Variants in EVL observed in about 807,000 individuals in gnomAD.
The protein encoded by EVL is ena/VASP-like protein.
EVL carries 21 observed loss-of-function variants against 59.6 expected under a neutral mutation model. The observed-to-expected ratio is 0.35, with a 90% CI of 0.25 to 0.51. EVL has a LOEUF of 0.51. EVL is among the 20% of genes least tolerant of loss of function. The pLI is 0.97. For missense variants in EVL, 462 were observed against 546.6 expected (o/e 0.85, Z 1.54); for synonymous variants, 198 against 203.5 (o/e 0.97, Z 0.23).
chr14:100,027,543 G>A (rs2061234744), intron 1 of EVL, among the ~76,000 whole-genome samples: 1 of 151,906 alleles, frequency 6.6e-6, no homozygotes, highest in Admixed American at 6.6e-5. Context: ...TTAACGTAAT[G>A]TCCTCCAGTT....
At chr14:100,036,839 T>G (rs2061396615) in intron 1 of EVL, among the ~76,000 whole-genome samples, 1 of 152,186 alleles carries the variant, frequency 6.6e-6, no homozygotes, top group African/African-American at 2.4e-5. Context: ...TTGAAGCCCC[T>G]GACCTCAGTG....
chr14:100,138,160 G>C (rs1888931741), intron 11 of EVL: 1 of 365,628 alleles, frequency 2.7e-6, no homozygotes, highest in East Asian at 6.1e-5. Context: ...GTTAACCCCT[G>C]CTGCACAGGG....
intron 13 of EVL, 125 bp downstream of exon 13, chr14:100,141,918 A>T: frequency 5.9e-6 from 4 of 680,012 alleles, no homozygotes; most frequent in Non-Finnish European, 9.1e-6. Flanking sequence ...CCTGTGAGAG[A>T]TTTCATTCTT....
chr14:99,984,278 A>C (rs1250433459), intron 1 of EVL, among the ~76,000 whole-genome samples: 2 of 152,044 alleles, frequency 1.3e-5, no homozygotes, highest in Non-Finnish European at 2.9e-5. Flanking sequence ...TGATGTGTGG[A>C]TGGGTATTTT....
Position 99,977,723 on chromosome 14 carries a change from C to T in EVL, c.5+5666C>T, listed in dbSNP as rs141966380. The stretch of plus-strand genomic sequence containing the variant: ...TGCTGGGATTATAGGCATGAGCCAC[C>T]GTGCCTGGCCAGAACATTTAATTTT... On this transcript the variant is annotated intron_variant, in intron 1 of 13. Coordinates refer to the EVL transcript ENST00000402714. Among the ~76,000 whole-genome samples the T allele has an allele frequency of 6.6e-5, 10 of 152,162 alleles. No homozygotes were observed. The East Asian group carries it at 1.2e-3, about 18-fold the overall frequency.
chr14:100,094,589 A>G (rs937375601), intron 2 of EVL, among the ~76,000 whole-genome samples: 1 of 151,934 alleles, frequency 6.6e-6, no homozygotes, highest in Non-Finnish European at 1.5e-5. Flanking sequence ...TTAAAAAAAA[A>G]AAAATTGGAT....
chr14:100,087,985 T>C (rs1322550251), intron 2 of EVL, among the ~76,000 whole-genome samples: 1 of 152,184 alleles, frequency 6.6e-6, no homozygotes, highest in African/African-American at 2.4e-5. Context: ...GATTTTCAAG[T>C]CTCTGAAGGG....
chr14:100,049,943 T>C (rs2061619789), intron 1 of EVL, among the ~76,000 whole-genome samples: 1 of 152,216 alleles, frequency 6.6e-6, no homozygotes, highest in South Asian at 2.1e-4. Context: ...TAGCCTAATG[T>C]TCCCAAGGTT....
intron 9 of EVL, among the ~76,000 whole-genome samples, chr14:100,136,824 G>C (rs1888823839): frequency 6.6e-6 from 1 of 152,210 alleles, no homozygotes; most frequent in South Asian, 2.1e-4. Context: ...AGCCCAGTGA[G>C]TGGGCTACGT....
chr14:100,119,778 T>A (rs1039945034), intron 3 of EVL, among the ~76,000 whole-genome samples: 7 of 152,178 alleles, frequency 4.6e-5, no homozygotes, highest in Non-Finnish European at 2.9e-5. Flanking sequence ...ATTTTACAGA[T>A]GAGGGCACAG....
At chr14:100,019,401 A>G (rs944239854) in intron 1 of EVL, 38 of 439,890 alleles carry the variant, frequency 8.6e-5, no homozygotes, top group Admixed American at 6.1e-4. Flanking sequence ...CCTGGAGCCT[A>G]AGCATACACT....
At chr14:100,143,254 T>C (rs1427248541) in intron 13 of EVL, among the ~76,000 whole-genome samples, 1 of 152,028 alleles carries the variant, frequency 6.6e-6, no homozygotes, top group Non-Finnish European at 1.5e-5. Context: ...GATTTCCTGC[T>C]GACCCCTGCA....
chr14:100,103,581 G>A (rs555163277), intron 3 of EVL, among the ~76,000 whole-genome samples: 5 of 152,134 alleles, frequency 3.3e-5, no homozygotes, highest in Non-Finnish European at 7.4e-5. Context: ...CTCCTACTGG[G>A]TTTCCCTTTC....
At position 100,098,376 on chromosome 14, in the gene EVL, C is replaced by T. The variant is rs1362085688; in HGVS notation, c.358+718C>T. Among the ~76,000 whole-genome samples the T allele has an allele frequency of 3.3e-5, 5 of 152,158 alleles. No individual in the cohort carries two copies. The East Asian group carries it at 7.8e-4, about 24-fold the overall frequency. ...AAAGGCAGAAGGGCCTGAGTGAGCC[C>T]GTAGTGCTGGGAAGAGGGCGATGCA... is the stretch of plus-strand genomic sequence containing the variant. On this transcript the variant is annotated intron_variant, in intron 3 of 13. Coordinates refer to ENST00000392920, the MANE Select transcript of EVL (RefSeq NM_016337.3).
At chr14:100,066,993 C>G (rs1335563025) in intron 1 of EVL, among the ~76,000 whole-genome samples, 2 of 152,208 alleles carry the variant, frequency 1.3e-5, no homozygotes, top group African/African-American at 2.4e-5. Flanking sequence ...TTACACTAAT[C>G]TAGCCCAGCT....
rs2182609 is a variant in EVL, at chr14:100,006,009, T to C, written c.5+33952T>C. ...TTTTTTTCCCCTTTTGCTGGCCATT[T>C]CCCCCCCCCCCCCCACACCGACAAC... On this transcript the variant is annotated intron_variant, in intron 1 of 13. Coordinates refer to the EVL transcript ENST00000402714. Among the ~76,000 whole-genome samples the C allele has an allele frequency of 0.016, 1,796 of 114,746 alleles. 88 individuals are homozygous for C. The East Asian group carries it at 0.19, about 12-fold the overall frequency. 75.3% of individuals were successfully genotyped at this position (114,746 alleles called of 152,430 possible).
intron 1 of EVL, chr14:99,974,518 C>A: frequency 6.5e-6 from 1 of 153,536 alleles, no homozygotes. Flanking sequence ...AGTGCAGCCC[C>A]TGACTGAGGT....
intron 1 of EVL, among the ~76,000 whole-genome samples, chr14:100,023,420 C>T (rs567915913): frequency 4.4e-5 from 6 of 135,018 alleles, no homozygotes; most frequent in Admixed American, 3.3e-4. Context: ...GCTCTTGTCT[C>T]GGGCTCCAGC....
At chr14:100,076,339 C>A (rs1444177050) in intron 1 of EVL, among the ~76,000 whole-genome samples, 1 of 151,066 alleles carries the variant, frequency 6.6e-6, no homozygotes, top group South Asian at 2.1e-4. Flanking sequence ...CCAGCAGAGT[C>A]ATCTACACTG....
Sources: allele counts gnomAD v4.1 joint callset (sites outside exome capture counted in the v4.1 genomes callset), GRCh38; gene constraint gnomAD v4.1.1; transcripts MANE v1.5; gene names NCBI Gene and HGNC (gene_info 2026-07-23, HGNC 2026-07-21).